SHCBP1: variants seen among roughly 807,000 people sequenced by gnomAD.
SHCBP1 encodes SHC binding and spindle associated 1, also known as SHC SH2 domain-binding protein 1.
A neutral mutation model predicts 75.1 loss-of-function variants in SHCBP1; 60 were observed. The ratio of observed to expected loss-of-function variants is 0.80; its 90% confidence interval spans 0.65 to 0.99. The LOEUF (loss-of-function observed/expected upper bound fraction) is 0.99. SHCBP1 is among the 50% of genes least tolerant of loss of function. The pLI is 0.00. For missense variants in SHCBP1, 709 were observed against 809.4 expected (o/e 0.88, Z 1.50); for synonymous variants, 290 against 293.2 (o/e 0.99, Z 0.11).
chr16:46,619,379 C>T (rs367770492), intron 1 of SHCBP1, among the ~76,000 whole-genome samples: 5 of 152,168 alleles, frequency 3.3e-5, no homozygotes, highest in African/African-American at 9.6e-5. Context: ...TCCCTTTCCC[C>T]CTTCCTTCCA....
At chr16:46,588,161 T>C (rs901865746) in intron 10 of SHCBP1, among the ~76,000 whole-genome samples, 6 of 151,868 alleles carry the variant, frequency 4.0e-5, no homozygotes, top group Admixed American at 2.6e-4. Context: ...CTGGGACACA[T>C]TTAAAGCAGT....
intron 10 of SHCBP1, among the ~76,000 whole-genome samples, chr16:46,592,376 C>T (rs2142998696): frequency 6.6e-6 from 1 of 152,226 alleles, no homozygotes; most frequent in Non-Finnish European, 1.5e-5. Flanking sequence ...CCACAAAAAG[C>T]ACAAACTACC....
intron 10 of SHCBP1, among the ~76,000 whole-genome samples, chr16:46,587,136 C>T (rs920632573): frequency 6.6e-5 from 10 of 151,962 alleles, no homozygotes; most frequent in Admixed American, 4.6e-4. Context: ...TCTAGATGTA[C>T]GTACATAAGG....
At chr16:46,582,746 G>A (rs1964892371) in intron 12 of SHCBP1, among the ~76,000 whole-genome samples, 1 of 152,228 alleles carries the variant, frequency 6.6e-6, no homozygotes, top group African/African-American at 2.4e-5. Flanking sequence ...CTGCCCAGCT[G>A]ACACCTTTAT....
intron 7 of SHCBP1, 30 bp downstream of exon 7, chr16:46,603,945 G>T: frequency 6.3e-7 from 1 of 1,575,802 alleles, no homozygotes; most frequent in Non-Finnish European, 8.6e-7. Context: ...AGGAAAAAAA[G>T]CCACCTGGAG....
chr16:46,619,376 C>T (rs1316039685), intron 1 of SHCBP1, among the ~76,000 whole-genome samples: 1 of 152,042 alleles, frequency 6.6e-6, no homozygotes, highest in Admixed American at 6.6e-5. Context: ...CCTTCCCTTT[C>T]CCCCTTCCTT....
intron 10 of SHCBP1, among the ~76,000 whole-genome samples, chr16:46,593,509 C>A (rs1965084622): frequency 6.6e-6 from 1 of 152,074 alleles, no homozygotes; most frequent in African/African-American, 2.4e-5. Context: ...AGCAGGAGGA[C>A]TGCTTGAGCC....
At chr16:46,590,289 TG>T (rs1965023336) in intron 10 of SHCBP1, among the ~76,000 whole-genome samples, 1 of 152,084 alleles carries the variant, frequency 6.6e-6, no homozygotes, top group African/African-American at 2.4e-5. Context: ...CCAAAAGCAA[TG>T]GCAACAAAAG....
intron 7 of SHCBP1, 81 bp from the exon 8 acceptor site, chr16:46,603,740 T>G: frequency 6.4e-7 from 1 of 1,564,654 alleles, no homozygotes; most frequent in South Asian, 1.2e-5. Flanking sequence ...ACTTCATGTC[T>G]TACTTTGAAA....
intron 3 of SHCBP1, among the ~76,000 whole-genome samples, chr16:46,617,318 G>A: frequency 6.6e-6 from 1 of 152,108 alleles, no homozygotes; most frequent in Admixed American, 6.6e-5. Flanking sequence ...TCTTAGGTTT[G>A]AGCTGCTTAA....
chr16:46,599,692 ACTCAGCATCGTGAAGTGCAAT>A, intron 9 of SHCBP1, 118 bp downstream of exon 9: 4 of 367,318 alleles, frequency 1.1e-5, no homozygotes, highest in Non-Finnish European at 9.3e-6. Context: ...AAAAAAAAAA[ACTCAGCATCGTGAAGTGCAAT>A]AAAACAAGGT....
intron 4 of SHCBP1, among the ~76,000 whole-genome samples, chr16:46,613,266 C>T (rs977262033): frequency 9.9e-5 from 15 of 152,188 alleles, no homozygotes; most frequent in Non-Finnish European, 1.9e-4. Flanking sequence ...TTCGAGCCTG[C>T]ATTGAATCAC....
intron 1 of SHCBP1, 144 bp downstream of exon 1, chr16:46,621,113 A>T: frequency 1.5e-6 from 1 of 669,150 alleles, no homozygotes; most frequent in Non-Finnish European, 2.4e-6. Flanking sequence ...AGGTCCCGTC[A>T]CTGGGTCCCG....
Position 46,578,986 on chromosome 16 carries a change from G to A in SHCBP1, c.*2743C>T, listed in dbSNP as rs763097203. ...TTCTGTAACTCCAGAAAAGTGAAGT[G>A]TATATACACTTGAGATCAAATGATC... On this transcript the variant is annotated 3_prime_UTR_variant, in exon 13 of 13. Coordinates refer to ENST00000303383, the MANE Select transcript of SHCBP1 (RefSeq NM_024745.5). Among the ~76,000 whole-genome samples, 4 of 152,148 alleles carry A rather than the reference G, an allele frequency of 2.6e-5. No homozygotes were observed. The highest frequency in any genetic ancestry group is 5.9e-5 in the Non-Finnish European group (4 of 68,024).
intron 10 of SHCBP1, among the ~76,000 whole-genome samples, chr16:46,592,098 G>C (rs1271475161): frequency 6.6e-6 from 1 of 150,474 alleles, no homozygotes; most frequent in Non-Finnish European, 1.5e-5. Flanking sequence ...ATCATAAAAA[G>C]AACATAAAAA....
intron 4 of SHCBP1, among the ~76,000 whole-genome samples, chr16:46,610,996 G>A (rs1174972612): frequency 6.6e-6 from 1 of 152,186 alleles, no homozygotes; most frequent in Non-Finnish European, 1.5e-5. Context: ...GAAGAGCAGA[G>A]CCTCATTCCT....
rs114190502 is a variant in SHCBP1, at chr16:46,606,759, C to T, written c.689+1538G>A. Among the ~76,000 whole-genome samples, 411 of 151,522 alleles carry T rather than the reference C, an allele frequency of 2.7e-3. 2 individuals are homozygous for T. The highest frequency in any genetic ancestry group is 9.4e-3 in the African/African-American group (388 of 41,334). On this transcript the variant is annotated intron_variant, in intron 5 of 12. Coordinates refer to ENST00000303383, the MANE Select transcript of SHCBP1 (RefSeq NM_024745.5). ...CTAAATAGAAATCATAGCCCATTTACGAAGAGCTAAAATCACACATACATA... is the reference window on the plus strand; with the variant it reads ...CTAAATAGAAATCATAGCCCATTTATGAAGAGCTAAAATCACACATACATA...
chr16:46,600,648 G>A (rs911792041), intron 8 of SHCBP1, among the ~76,000 whole-genome samples: 1 of 152,074 alleles, frequency 6.6e-6, no homozygotes, highest in African/African-American at 2.4e-5. Context: ...TAAACAGTTG[G>A]CTTAAAATCT....
chr16:46,617,423 T>G (rs1965517216), intron 3 of SHCBP1, among the ~76,000 whole-genome samples: 1 of 152,264 alleles, frequency 6.6e-6, no homozygotes, highest in African/African-American at 2.4e-5. Context: ...TTCTTTTAAT[T>G]AATTTGAACC....
Sources: gnomAD v4.1 joint callset for allele counts (sites outside exome capture counted in the v4.1 genomes callset) on GRCh38, gnomAD v4.1.1 for gene constraint, MANE v1.5 for transcripts, NCBI Gene and HGNC (gene_info 2026-07-23, HGNC 2026-07-21) for gene names.